The following IMPA1 variants were observed in gnomAD, a reference collection of about 807,000 sequenced individuals.
The protein encoded by IMPA1 is inositol monophosphatase 1, also known as D-galactose 1-phosphate phosphatase.
A neutral mutation model predicts 34.9 loss-of-function variants in IMPA1; 21 were observed. That is an observed-to-expected ratio of 0.60 (90% CI 0.43 to 0.87). The LOEUF is 0.87. IMPA1 is among the 40% of genes least tolerant of loss of function. The probability of loss-of-function intolerance (pLI) is 0.00; values close to 1 mark genes in which losing one functional copy is unlikely to be tolerated. For missense variants in IMPA1, 299 were observed against 336.4 expected, an observed-to-expected ratio of 0.89 and a Z score of 0.87; for synonymous variants, 95 against 104.4, an observed-to-expected ratio of 0.91 and a Z score of 0.55.
intron 1 of IMPA1, among the ~76,000 whole-genome samples, chr8:81,682,203 G>GAA (rs145233327): frequency 2.0e-5 from 3 of 150,582 alleles, no homozygotes; most frequent in Non-Finnish European, 4.4e-5. Context: ...TTCACAGAGG[G>GAA]AAAAAAAAAC....
chr8:81,679,075 C>T (rs759780250), intron 4 of IMPA1, 51 bp downstream of exon 4: 18 of 1,177,638 alleles, frequency 1.5e-5, no homozygotes, highest in Non-Finnish European at 2.3e-5. Context: ...ATCTATAGGT[C>T]AATCCAGTTA....
At chr8:81,669,377 C>A (rs1331726757) in intron 7 of IMPA1, among the ~76,000 whole-genome samples, 1 of 152,228 alleles carries the variant, frequency 6.6e-6, no homozygotes, top group Middle Eastern at 3.2e-3. Context: ...CTGTACCCTG[C>A]AAAGCCACAG....
intron 1 of IMPA1, among the ~76,000 whole-genome samples, chr8:81,685,163 G>A (rs1807466602): frequency 7.5e-6 from 1 of 133,166 alleles, no homozygotes; most frequent in African/African-American, 2.8e-5. Flanking sequence ...CTATACATAA[G>A]TATATTTAGA....
At chr8:81,680,434 A>G (rs1807264391) in intron 3 of IMPA1, among the ~76,000 whole-genome samples, 1 of 151,846 alleles carries the variant, frequency 6.6e-6, no homozygotes, top group Admixed American at 6.6e-5. Context: ...CCAGCAGACA[A>G]CTCCCCCAGG....
At chr8:81,682,060 TAC>T (rs1482929461) in intron 1 of IMPA1, among the ~76,000 whole-genome samples, 4 of 151,836 alleles carry the variant, frequency 2.6e-5, no homozygotes, top group African/African-American at 9.7e-5. Context: ...TGCCCAAAAT[TAC>T]AGACAAATGA....
At position 81,659,094 on chromosome 8, in the gene IMPA1, G is replaced by A. The variant is rs536113859; in HGVS notation, c.*257C>T. The A allele has an allele frequency of 3.3e-5, 15 of 451,398 alleles. No homozygotes were observed. Among genetic ancestry groups the A allele is most frequent in the African/African-American group, 2.0e-4 (10 of 49,254 alleles). The allele number at this position is 451,398 out of a possible 1,614,324, so 28.0% of individuals were successfully genotyped here. The stretch of plus-strand genomic sequence containing the variant: ...TTGCTAATTGACTATTTCAGTTGAT[G>A]TTATATTTATCAACTGTACTTCCTG... On this transcript the variant is annotated 3_prime_UTR_variant, in exon 9 of 9. Transcript: ENST00000256108.
intron 8 of IMPA1, among the ~76,000 whole-genome samples, chr8:81,659,789 C>T (rs187904524): frequency 1.3e-5 from 2 of 152,232 alleles, no homozygotes; most frequent in East Asian, 3.9e-4. Context: ...TACCACTGTC[C>T]TTCCCATTTC....
chr8:81,666,516 T>G (rs1330890274), intron 7 of IMPA1, among the ~76,000 whole-genome samples: 1 of 152,152 alleles, frequency 6.6e-6, no homozygotes, highest in Non-Finnish European at 1.5e-5. Context: ...ACACTTCAAA[T>G]GCAGTGGTTC....
rs1806557200 is a variant in IMPA1, at chr8:81,657,724, T to A, written c.*1627A>T. ...AAGGGGCCTGGAAAACATAGGAAGA[T>A]CCCATCTTTACAAAAATAAAATTAA... On this transcript the variant is annotated 3_prime_UTR_variant, in exon 9 of 9. Coordinates refer to ENST00000256108, the MANE Select transcript of IMPA1 (RefSeq NM_005536.4). Among the ~76,000 whole-genome samples, 1 of 151,640 alleles carries A rather than the reference T, an allele frequency of 6.6e-6. No individual in the cohort carries two copies. Among genetic ancestry groups the A allele is most frequent in the Non-Finnish European group, 1.5e-5 (1 of 67,918 alleles).
chr8:81,682,229 G>T (rs1337420157), intron 1 of IMPA1, among the ~76,000 whole-genome samples: 4 of 152,008 alleles, frequency 2.6e-5, no homozygotes, highest in Non-Finnish European at 5.9e-5. Flanking sequence ...ATATATTTGT[G>T]TTCTAAACTG....
At chr8:81,668,333 C>G (rs1806893502) in intron 7 of IMPA1, among the ~76,000 whole-genome samples, 1 of 152,156 alleles carries the variant, frequency 6.6e-6, no homozygotes, top group Admixed American at 6.5e-5. Context: ...ACCTATAATG[C>G]CAGCATTTTG....
chr8:81,662,705 T>C (rs1751425490), intron 7 of IMPA1, among the ~76,000 whole-genome samples: 1 of 152,244 alleles, frequency 6.6e-6, no homozygotes, highest in African/African-American at 2.4e-5. Context: ...ACAAATGTAC[T>C]AATGACTACA....
intron 7 of IMPA1, among the ~76,000 whole-genome samples, chr8:81,664,843 T>C (rs1213328350): frequency 6.7e-6 from 1 of 148,784 alleles, no homozygotes; most frequent in Non-Finnish European, 1.5e-5. Context: ...ATTGTGCACA[T>C]GTACCCTAAA....
intron 4 of IMPA1, among the ~76,000 whole-genome samples, chr8:81,677,153 T>C (rs1169253454): frequency 2.6e-5 from 4 of 151,902 alleles, no homozygotes; most frequent in Non-Finnish European, 5.9e-5. Flanking sequence ...TGGAGTGCAA[T>C]GGCACGATCT....
chr8:81,678,943 T>G (rs1375285149), intron 4 of IMPA1, among the ~76,000 whole-genome samples, 183 bp downstream of exon 4: 1 of 152,196 alleles, frequency 6.6e-6, no homozygotes, highest in Non-Finnish European at 1.5e-5. Flanking sequence ...ACCTCCTCCA[T>G]ATCTGATAAG....
chr8:81,684,223 T>C (rs1248415054), intron 1 of IMPA1, among the ~76,000 whole-genome samples: 4 of 146,400 alleles, frequency 2.7e-5, no homozygotes, highest in Non-Finnish European at 6.0e-5. Flanking sequence ...ATACTATATA[T>C]AGTATATATA....
rs763172764 is a variant in IMPA1, at chr8:81,657,017, T to C, written c.*2334A>G. 1.2e-4 allele frequency among the ~76,000 whole-genome samples: 18 copies of C among 152,218 alleles called. No homozygotes were observed. The highest frequency in any genetic ancestry group is 2.6e-4 in the Admixed American group (4 of 15,290). On this transcript the variant is annotated 3_prime_UTR_variant, in exon 9 of 9. Transcript: ENST00000256108. Reference sequence around the variant, plus strand: ...CCACATGCAGAAAGATAATATACCCTGATACAAAATATACATGTTAAGTCT... The same window carrying C: ...CCACATGCAGAAAGATAATATACCCCGATACAAAATATACATGTTAAGTCT...
intron 1 of IMPA1, among the ~76,000 whole-genome samples, chr8:81,684,124 CACACATACACACAT>C (rs1807390981): frequency 8.5e-6 from 1 of 117,412 alleles, no homozygotes; most frequent in Non-Finnish European, 1.9e-5. Context: ...TACACACACA[CACACATACACACAT>C]ACACACACAC....
intron 5 of IMPA1, among the ~76,000 whole-genome samples, chr8:81,675,981 C>A (rs376208692): frequency 6.6e-6 from 1 of 152,218 alleles, no homozygotes; most frequent in Non-Finnish European, 1.5e-5. Context: ...ATAATGGTTA[C>A]TAAATACTGA....
Sources: gnomAD v4.1 joint callset for allele counts (sites outside exome capture counted in the v4.1 genomes callset) on GRCh38, gnomAD v4.1.1 for gene constraint, MANE v1.5 for transcripts, NCBI Gene and HGNC (gene_info 2026-07-23, HGNC 2026-07-21) for gene names.